The following SLC9A9 variants were observed in gnomAD, a reference collection of about 807,000 sequenced individuals.
SLC9A9 encodes the protein sodium/hydrogen exchanger 9.
A neutral mutation model predicts 77.8 loss-of-function variants in SLC9A9; 62 were observed. That is an observed-to-expected ratio of 0.80 (90% CI 0.65 to 0.98). The LOEUF (loss-of-function observed/expected upper bound fraction) is 0.98. Ranked by LOEUF, SLC9A9 falls within the 50% of genes least tolerant of loss-of-function variation. The pLI is 0.00. For missense variants in SLC9A9, 775 were observed against 774.9 expected (o/e 1.00, Z 0.00); for synonymous variants, 320 against 283.5 (o/e 1.13, Z -1.29).
chr3:143,668,521 A>G (rs2039108678), intron 5 of SLC9A9, among the ~76,000 whole-genome samples: 1 of 152,172 alleles, frequency 6.6e-6, no homozygotes, highest in Non-Finnish European at 1.5e-5. Context: ...GCATTTTAAA[A>G]AACCACCTCC....
intron 12 of SLC9A9, among the ~76,000 whole-genome samples, chr3:143,430,731 C>G (rs9825190): frequency 0.39 from 59,867 of 152,086 alleles, 12,193 homozygotes; most frequent in Admixed American, 0.45. Flanking sequence ...CTGACATACA[C>G]CATATCCACC....
chr3:143,526,624 C>T (rs904438583), intron 9 of SLC9A9, among the ~76,000 whole-genome samples: 5 of 152,184 alleles, frequency 3.3e-5, no homozygotes, highest in South Asian at 2.1e-4. Context: ...CCTCGAGCAA[C>T]CAATTCCATT....
rs115221791 is a variant in SLC9A9, at chr3:143,708,367, A to C, written c.534-15060T>G. Among the ~76,000 whole-genome samples the C allele has an allele frequency of 3.2e-3, 481 of 152,236 alleles. 3 individuals carry two copies. The highest frequency in any genetic ancestry group is 0.011 in the African/African-American group (454 of 41,540). ...GTGCGAGACTCGGTCACATTCACTA[A>C]AGGCACCATGTACCTCAAATGACAA... On this transcript the variant is annotated intron_variant, in intron 4 of 15. Transcript: ENST00000316549.
At chr3:143,698,639 G>C (rs1447482057) in intron 4 of SLC9A9, among the ~76,000 whole-genome samples, 1 of 152,192 alleles carries the variant, frequency 6.6e-6, no homozygotes, top group Non-Finnish European at 1.5e-5. Context: ...TTGTTTGGAT[G>C]ATTTAAAAAT....
chr3:143,783,634 G>A (rs894273145), intron 4 of SLC9A9, among the ~76,000 whole-genome samples: 12 of 152,018 alleles, frequency 7.9e-5, no homozygotes, highest in African/African-American at 2.9e-4. Context: ...CATAAATGGG[G>A]AAAAATGAAA....
rs1293476066 is a variant in SLC9A9, at chr3:143,266,706, T to A, written c.1934A>T (p.Asn645Ile). ...LEQTLGQSQL[N>I] ...CATCTGTACTCTTCATGCCAATTAATTCAACTGGGATTGACCCAAAGTTTG... is the reference window on the plus strand; with the variant it reads ...CATCTGTACTCTTCATGCCAATTAAATCAACTGGGATTGACCCAAAGTTTG... The change falls in exon 16 of 16, where the codon AAT (asparagine) becomes ATT (isoleucine). Residue 645 changes from asparagine to isoleucine, a missense_variant. Physicochemically the swap from Asn to Ile is moderately radical, Grantham distance 149. Transcript: ENST00000316549. 5.0e-6 allele frequency: 8 copies of A among 1,614,050 alleles called. No individual in the cohort carries two copies. In the Admixed American group the frequency reaches 6.7e-5, roughly 13 times the overall value.
At chr3:143,743,109 T>C (rs1935113289) in intron 4 of SLC9A9, among the ~76,000 whole-genome samples, 1 of 151,664 alleles carries the variant, frequency 6.6e-6, no homozygotes, top group African/African-American at 2.4e-5. Context: ...ATGACCCAGG[T>C]AACAGGCTCC....
At chr3:143,473,974 A>C (rs1401907863) in intron 11 of SLC9A9, among the ~76,000 whole-genome samples, 13 of 152,206 alleles carry the variant, frequency 8.5e-5, no homozygotes. Flanking sequence ...TATGAAGAAA[A>C]CCAAAGTAGG....
At chr3:143,314,025 T>A (rs980801215) in intron 14 of SLC9A9, among the ~76,000 whole-genome samples, 70 of 152,246 alleles carry the variant, frequency 4.6e-4, no homozygotes, top group African/African-American at 1.7e-3. Context: ...TCAGCAACCC[T>A]CCTCTGGGCT....
At chr3:143,622,619 T>G (rs2038238089) in intron 6 of SLC9A9, among the ~76,000 whole-genome samples, 1 of 152,006 alleles carries the variant, frequency 6.6e-6, no homozygotes, top group African/African-American at 2.4e-5. Context: ...AAAGAAGCAC[T>G]AAACATGGAA....
intron 6 of SLC9A9, 75 bp from the exon 7 acceptor site, chr3:143,578,798 G>A: frequency 6.4e-7 from 1 of 1,559,358 alleles, no homozygotes; most frequent in Non-Finnish European, 8.8e-7. Context: ...CACCCACTTT[G>A]GGGAGAGGTA....
At chr3:143,823,816 T>C (rs1406391971) in intron 2 of SLC9A9, among the ~76,000 whole-genome samples, 1 of 152,014 alleles carries the variant, frequency 6.6e-6, no homozygotes, top group Non-Finnish European at 1.5e-5. Context: ...TAAGATGAGG[T>C]GTCCATATCT....
At chr3:143,750,099 C>T (rs1445865567) in intron 4 of SLC9A9, among the ~76,000 whole-genome samples, 2 of 152,172 alleles carry the variant, frequency 1.3e-5, no homozygotes, top group East Asian at 3.8e-4. Flanking sequence ...GAAAGAGACT[C>T]TAAAGTCAGC....
At chr3:143,310,352 A>G (rs1410181569) in intron 14 of SLC9A9, among the ~76,000 whole-genome samples, 6 of 152,306 alleles carry the variant, frequency 3.9e-5, no homozygotes, top group East Asian at 1.9e-4. Flanking sequence ...TCCAGTGCAC[A>G]CTTTCTTCCT....
At chr3:143,484,324 C>T (rs1576528280) in intron 11 of SLC9A9, among the ~76,000 whole-genome samples, 1 of 152,290 alleles carries the variant, frequency 6.6e-6, no homozygotes, top group Non-Finnish European at 1.5e-5. Flanking sequence ...GTTGTTTGAT[C>T]TATTTTGTTA....
chr3:143,669,666 A>G (rs781041672), intron 5 of SLC9A9, among the ~76,000 whole-genome samples: 3 of 152,228 alleles, frequency 2.0e-5, no homozygotes, highest in Non-Finnish European at 4.4e-5. Flanking sequence ...ACTAAAGTAG[A>G]AAACAGTGGT....
At chr3:143,592,458 A>G (rs1417880424) in intron 6 of SLC9A9, among the ~76,000 whole-genome samples, 1 of 152,160 alleles carries the variant, frequency 6.6e-6, no homozygotes, top group African/African-American at 2.4e-5. Flanking sequence ...TGACTTTTGC[A>G]CTCTTCCAGC....
chr3:143,794,891 T>TA (rs1459384390), intron 4 of SLC9A9, 110 bp downstream of exon 4: 55 of 1,018,386 alleles, frequency 5.4e-5, no homozygotes, highest in African/African-American at 9.6e-5. Context: ...TGTGATATAC[T>TA]AAAAAAAAGA....
At chr3:143,388,374 A>T (rs1273158573) in intron 12 of SLC9A9, among the ~76,000 whole-genome samples, 1 of 152,264 alleles carries the variant, frequency 6.6e-6, no homozygotes, top group Non-Finnish European at 1.5e-5. Flanking sequence ...AGTGTGGCAC[A>T]GTAGTTAAGA....
Sources: gnomAD v4.1 joint callset for allele counts (sites outside exome capture counted in the v4.1 genomes callset) on GRCh38, gnomAD v4.1.1 for gene constraint, MANE v1.5 for transcripts, NCBI Gene and HGNC (gene_info 2026-07-23, HGNC 2026-07-21) for gene names.